CADM2: variants seen among roughly 807,000 people sequenced by gnomAD.
The protein encoded by CADM2 is immunoglobulin superfamily member 4D.
In CADM2, 12 loss-of-function variants were observed where a neutral mutation model predicts 49.8. That is an observed-to-expected ratio of 0.24 (90% CI 0.15 to 0.39). The LOEUF (loss-of-function observed/expected upper bound fraction) is 0.39, where lower values mean the gene tolerates loss of function less well. Ranked by LOEUF, CADM2 falls within the 10% of genes least tolerant of loss-of-function variation. CADM2 has a pLI of 1.00. For missense variants in CADM2, 378 were observed against 492.3 expected, an observed-to-expected ratio of 0.77 and a Z score of 2.20; for synonymous variants, 214 against 175.4, an observed-to-expected ratio of 1.22 and a Z score of -1.74.
At chr3:85,324,321 T>C (rs2044692289) in intron 1 of CADM2, among the ~76,000 whole-genome samples, 1 of 152,196 alleles carries the variant, frequency 6.6e-6, no homozygotes, top group South Asian at 2.1e-4. Flanking sequence ...AGTAACAGAA[T>C]TGAGTGTCAA....
At chr3:85,791,512 G>C (rs2071320521) in intron 2 of CADM2, among the ~76,000 whole-genome samples, 1 of 148,238 alleles carries the variant, frequency 6.7e-6, no homozygotes, top group South Asian at 2.2e-4. Context: ...CGGAGAGAGG[G>C]GTGGGGAGGG....
chr3:86,022,081 A>G (rs1308691282), intron 8 of CADM2, among the ~76,000 whole-genome samples: 1 of 152,214 alleles, frequency 6.6e-6, no homozygotes, highest in Non-Finnish European at 1.5e-5. Flanking sequence ...GCACCTTATA[A>G]TATCATGTTG....
intron 1 of CADM2, among the ~76,000 whole-genome samples, chr3:85,265,505 A>G (rs1485797725): frequency 6.6e-6 from 1 of 151,986 alleles, no homozygotes; most frequent in East Asian, 1.9e-4. Context: ...GAGCAAGAAG[A>G]GGTTGAACTC....
chr3:85,522,722 T>G (rs546364191), intron 1 of CADM2, among the ~76,000 whole-genome samples: 1 of 151,976 alleles, frequency 6.6e-6, no homozygotes, highest in African/African-American at 2.4e-5. Flanking sequence ...ATGAAGATAC[T>G]CATTTACTGA....
chr3:85,759,684 G>T (rs2069283230), intron 2 of CADM2, among the ~76,000 whole-genome samples: 1 of 152,084 alleles, frequency 6.6e-6, no homozygotes, highest in South Asian at 2.1e-4. Flanking sequence ...ACATCTAGCT[G>T]CAAGAGATTC....
At chr3:85,801,938 G>T in intron 2 of CADM2, 109 bp from the exon 3 acceptor site, 1 of 879,948 alleles carries the variant, frequency 1.1e-6, no homozygotes, top group Non-Finnish European at 1.7e-6. Flanking sequence ...TCGTTGTTTG[G>T]TTGTTTTAAA....
At position 85,000,969 on chromosome 3, in the gene CADM2, T is replaced by C. The variant is rs115560903; in HGVS notation, c.61+41301T>C. On this transcript the variant is annotated intron_variant, in intron 1 of 9. Transcript: ENST00000383699. Reference sequence around the variant, plus strand: ...TTAACTCCATGATTTTGCTACATGTTATAATCAATGCATTTCTCTTTACCT... The same window carrying C: ...TTAACTCCATGATTTTGCTACATGTCATAATCAATGCATTTCTCTTTACCT... Among the ~76,000 whole-genome samples, 962 of 152,224 alleles carry C rather than the reference T, an allele frequency of 6.3e-3. 14 individuals are homozygous for C. The highest frequency in any genetic ancestry group is 0.022 in the African/African-American group (920 of 41,542).
intron 1 of CADM2, among the ~76,000 whole-genome samples, chr3:85,268,555 A>C (rs1032737106): frequency 2.0e-5 from 3 of 151,366 alleles, no homozygotes; most frequent in Non-Finnish European, 4.4e-5. Context: ...ATTTGTGTGC[A>C]TATTATAAAA....
intron 1 of CADM2, among the ~76,000 whole-genome samples, chr3:85,639,105 G>A (rs1227658840): frequency 6.6e-6 from 1 of 152,094 alleles, no homozygotes; most frequent in Non-Finnish European, 1.5e-5. Flanking sequence ...TGGGTAAATG[G>A]TAAATAAGAA....
At chr3:85,184,830 T>C (rs1392991556) in intron 1 of CADM2, among the ~76,000 whole-genome samples, 1 of 152,124 alleles carries the variant, frequency 6.6e-6, no homozygotes, top group African/African-American at 2.4e-5. Context: ...AAATAGAATT[T>C]GTCAAGATAA....
intron 1 of CADM2, among the ~76,000 whole-genome samples, chr3:85,043,103 G>A (rs995370076): frequency 2.0e-5 from 3 of 152,034 alleles, no homozygotes; most frequent in African/African-American, 4.8e-5. Flanking sequence ...TGAAGCTAGT[G>A]GAAGATAAGG....
At chr3:85,999,541 G>A (rs1729881529) in intron 8 of CADM2, among the ~76,000 whole-genome samples, 1 of 142,416 alleles carries the variant, frequency 7.0e-6, no homozygotes. Flanking sequence ...AAGGAAGGAA[G>A]GAAAGAAAGA....
intron 1 of CADM2, among the ~76,000 whole-genome samples, chr3:85,354,446 A>G (rs1308729910): frequency 2.0e-5 from 3 of 151,618 alleles, no homozygotes; most frequent in Non-Finnish European, 4.4e-5. Flanking sequence ...TGGCACATGT[A>G]TACATATGTA....
At chr3:85,442,588 G>GTA (rs55882841) in intron 1 of CADM2, among the ~76,000 whole-genome samples, 2,468 of 119,548 alleles carry the variant, frequency 0.021, 67 homozygotes, top group African/African-American at 0.054. Context: ...TTATATATGA[G>GTA]TATATATATA....
chr3:85,584,611 C>G (rs2062886916), intron 1 of CADM2, among the ~76,000 whole-genome samples: 1 of 151,952 alleles, frequency 6.6e-6, no homozygotes, highest in Admixed American at 6.6e-5. Context: ...ATGTACTTCC[C>G]CTTTTTTGTC....
chr3:85,018,050 C>G (rs1051204690), intron 1 of CADM2, among the ~76,000 whole-genome samples: 2 of 152,078 alleles, frequency 1.3e-5, no homozygotes, highest in Non-Finnish European at 2.9e-5. Flanking sequence ...TAGTAACCTT[C>G]TAGTTAGACA....
chr3:85,885,999 A>G (rs1170135197), intron 4 of CADM2, among the ~76,000 whole-genome samples, 191 bp from the exon 5 acceptor site: 1 of 152,146 alleles, frequency 6.6e-6, no homozygotes, highest in Non-Finnish European at 1.5e-5. Context: ...ATGTGTATGC[A>G]TATAGACATA....
At chr3:85,212,812 C>CCCTTTCTTTCTTTCTT (rs2041809977) in intron 1 of CADM2, among the ~76,000 whole-genome samples, 1 of 102,542 alleles carries the variant, frequency 9.8e-6, no homozygotes, top group African/African-American at 3.7e-5. Context: ...TCTTTTTCTT[C>CCCTTTCTTTCTTTCTT]TCTTTCTTTC....
At chr3:85,095,042 A>G (rs1314949435) in intron 1 of CADM2, among the ~76,000 whole-genome samples, 3 of 152,186 alleles carry the variant, frequency 2.0e-5, no homozygotes, top group Non-Finnish European at 1.5e-5. Flanking sequence ...GGAACTATTT[A>G]TCTTTTCTCA....
Sources: gnomAD v4.1 joint callset for allele counts (sites outside exome capture counted in the v4.1 genomes callset) on GRCh38, gnomAD v4.1.1 for gene constraint, MANE v1.5 for transcripts, NCBI Gene and HGNC (gene_info 2026-07-23, HGNC 2026-07-21) for gene names.